Variants in FAT2 observed in about 807,000 individuals in gnomAD.
FAT2 encodes protocadherin Fat 2.
A neutral mutation model predicts 295.3 loss-of-function variants in FAT2; 150 were observed. That is an observed-to-expected ratio of 0.51 (90% CI 0.44 to 0.58). The LOEUF (loss-of-function observed/expected upper bound fraction) is 0.58. Ranked by LOEUF, FAT2 falls within the 20% of genes least tolerant of loss-of-function variation. The probability of loss-of-function intolerance (pLI) is 0.00; values close to 1 mark genes in which losing one functional copy is unlikely to be tolerated. For synonymous variants in FAT2, 2,026 were observed against 2,150.3 expected (o/e 0.94, Z 1.60); for missense variants, 4,868 against 5,442.7 (o/e 0.89, Z 3.32).
Position 151,531,906 on chromosome 5 carries a change from G to A in FAT2, c.9492C>T (p.Ala3164=), listed in dbSNP as rs1279056555. Reference sequence around the variant, plus strand: ...TTTCCAGGCGGATCACCCCCGTGGTGGCGTCGATGGAAAAGTGGCCTTCGG... The same window carrying A: ...TTTCCAGGCGGATCACCCCCGTGGTAGCGTCGATGGAAAAGTGGCCTTCGG... The part of the protein sequence containing the change: ...DSAEGHFSID[A]TTGVIRLEKP... The change falls in exon 14 of 24, where the codon GCC becomes GCT. Residue 3164 remains alanine (A), a synonymous_variant. Transcript: ENST00000261800. The surrounding 1 kb of genome is among the most constrained non-coding windows in gnomAD (Gnocchi z 5.7). 15 of 1,614,130 alleles carry A rather than the reference G, an allele frequency of 9.3e-6. No individual in the cohort carries two copies. Among genetic ancestry groups the A allele is most frequent in the Non-Finnish European group, 1.3e-5 (15 of 1,180,054 alleles).
rs771197569 is a variant in FAT2 at position 151,512,168 on chromosome 5, C to T, written c.11902G>A (p.Ala3968Thr). The T allele has an allele frequency of 1.3e-5, 21 of 1,611,280 alleles. No homozygotes were observed. Among genetic ancestry groups the T allele is most frequent in the Non-Finnish European group, 1.8e-5 (21 of 1,177,750 alleles). The change falls in exon 21 of 24, where the codon GCA (alanine) becomes ACA (threonine). Residue 3968 changes from alanine to threonine, a missense_variant. By Grantham distance (58) the Ala-to-Thr change is moderately conservative (BLOSUM62 0). Coordinates refer to ENST00000261800, the MANE Select transcript of FAT2 (RefSeq NM_001447.3). This position sits in a 1 kb window ranked among gnomAD's most constrained non-coding sequence, Gnocchi z 4.1. ...NGGKCSWTHG[A>T]GYVCKCPPQF... ...AGCCTGGCACCCCAGCCCTCACCTGCCCCATGGGTCCATGAGCACTTCCCA... is the reference window on the plus strand; with the variant it reads ...AGCCTGGCACCCCAGCCCTCACCTGTCCCATGGGTCCATGAGCACTTCCCA...
chr5:151,561,248 C>T (rs1449790709), intron 3 of FAT2, among the ~76,000 whole-genome samples: 1 of 152,250 alleles, frequency 6.6e-6, no homozygotes, highest in Middle Eastern at 3.4e-3. Flanking sequence ...CAAAGTCCTG[C>T]GTGGAGGGGC....
At chr5:151,590,753 G>T (rs889454439) in intron 1 of FAT2, among the ~76,000 whole-genome samples, 1 of 152,066 alleles carries the variant, frequency 6.6e-6, no homozygotes, top group Non-Finnish European at 1.5e-5. Flanking sequence ...TCAATTCCTG[G>T]CCCTGGCACT....
chr5:151,594,348 A>G (rs17112081), upstream of FAT2, among the ~76,000 whole-genome samples: 18,728 of 152,136 alleles, frequency 0.12, 1,160 homozygotes, highest in African/African-American at 0.14. Context: ...GGATGGGTCT[A>G]TATCTAACTC....
chr5:151,573,060 C>G (rs1476480616), intron 1 of FAT2, among the ~76,000 whole-genome samples: 1 of 152,186 alleles, frequency 6.6e-6, no homozygotes, highest in Non-Finnish European at 1.5e-5. Context: ...TGAATGGACC[C>G]TTTTAGGATA....
chr5:151,556,390 G>A lies in FAT2; in HGVS notation c.3587C>T (p.Thr1196Ile), dbSNP rs868321256. 2 of 1,613,592 alleles carry A rather than the reference G, an allele frequency of 1.2e-6. No individual in the cohort carries two copies. The highest frequency in any genetic ancestry group is 4.5e-5 in the East Asian group (2 of 44,886). The change falls in exon 4 of 24, where the codon ACA (threonine) becomes ATA (isoleucine). Residue 1196 changes from threonine (T) to isoleucine (I), a missense_variant. Physicochemically the swap from Thr to Ile is moderately conservative, Grantham distance 89. Coordinates refer to ENST00000261800, the MANE Select transcript of FAT2 (RefSeq NM_001447.3). ...MIHPVTGLLSTAQQLDRENKD... is the reference protein window; with the variant it reads ...MIHPVTGLLSIAQQLDRENKD... ...GTTCTCTCTGTCCAGCTGCTGGGCT[G>A]TAGATAGGAGACCTGAGAGAGAGAT...
At position 151,553,335 on chromosome 5, in the gene FAT2, T is replaced by A. The variant is rs779050071; in HGVS notation, c.3998A>T (p.His1333Leu). The A allele has an allele frequency of 2.5e-6, 4 of 1,614,270 alleles. No individual in the cohort carries two copies. The highest frequency in any genetic ancestry group is 3.4e-6 in the Non-Finnish European group (4 of 1,180,052). Residue 1333 changes from histidine (H) to leucine (L), a missense_variant, in exon 6 of 24, where the codon CAC becomes CTC. By Grantham distance (99) the His-to-Leu change is moderately conservative. Transcript: ENST00000261800. ...CCGGGGCCAAGGGATCCACTCAATGTGTAGCCGGACACTGGCTGAGAGTGG... is the reference window on the plus strand; with the variant it reads ...CCGGGGCCAAGGGATCCACTCAATGAGTAGCCGGACACTGGCTGAGAGTGG... ...QPPLSASVRL[H>L]IEWIPWPRPS...
At chr5:151,537,736 G>A in intron 12 of FAT2, 57 bp downstream of exon 12, 2 of 1,517,342 alleles carry the variant, frequency 1.3e-6, no homozygotes, top group South Asian at 1.2e-5. Flanking sequence ...ATGGCACTGG[G>A]CACTTGGTAT....
rs1412373367 is a variant in FAT2, at chr5:151,522,089, G to A, written c.10507-3C>T. Reference sequence around the variant, plus strand: ...GGAGGGATGCCACTGTCTGACGCCTGTGGGCAAAACAAACACTGCTGTCAC... The same window carrying A: ...GGAGGGATGCCACTGTCTGACGCCTATGGGCAAAACAAACACTGCTGTCAC... On this transcript the variant is annotated splice_polypyrimidine_tract_variant and splice_region_variant and intron_variant, in intron 18 of 23. Coordinates refer to ENST00000261800, the MANE Select transcript of FAT2 (RefSeq NM_001447.3). The A allele has an allele frequency of 1.9e-6, 3 of 1,575,230 alleles. No homozygotes were observed. Among genetic ancestry groups the A allele is most frequent in the East Asian group, 2.3e-5 (1 of 44,078 alleles).
chr5:151,544,728 A>G lies in FAT2; in HGVS notation c.6399T>C (p.Tyr2133=). The change falls in exon 10 of 24, where the codon TAT becomes TAC. Residue 2133 remains tyrosine, a synonymous_variant. Transcript: ENST00000261800. Reference sequence around the variant, plus strand: ...TGAGGTGATATTTATTTAAAGCTTGATAATCAAAGGGTTTCTTGAGTGATA... The same window carrying G: ...TGAGGTGATATTTATTTAAAGCTTGGTAATCAAAGGGTTTCTTGAGTGATA... ...GDISLKKPFD[Y]QALNKYHLKV... 6.2e-7 allele frequency: 1 copy of G among 1,614,186 alleles called. No homozygotes were observed. The highest frequency in any genetic ancestry group is 1.1e-5 in the South Asian group (1 of 91,086).
chr5:151,588,334 C>A (rs890101848), intron 1 of FAT2, among the ~76,000 whole-genome samples: 11 of 152,174 alleles, frequency 7.2e-5, no homozygotes, highest in Non-Finnish European at 1.5e-4. Flanking sequence ...CTGAACTGGG[C>A]TAGGCAAGTG....
rs776136665 is a variant in FAT2, at chr5:151,568,828, T to C, written c.104A>G (p.His35Arg). ...ILSSSAWHFT[H>R]SHYNATIYEN... ...ATAGATGGTGGCATTGTAATGGGAG[T>C]GTGTGAAGTGCCAAGCAGAGGAGGA... Residue 35 changes from histidine to arginine, a missense_variant, in exon 2 of 24, where the codon CAC (histidine) becomes CGC (arginine). This residue lies in a region of FAT2 where 3,297 missense variants were observed against 3,669.4 expected (regional missense o/e 0.90). Transcript: ENST00000261800. The C allele has an allele frequency of 6.2e-7, 1 of 1,613,376 alleles. No individual in the cohort carries two copies. Among genetic ancestry groups the C allele is most frequent in the Non-Finnish European group, 8.5e-7 (1 of 1,179,882 alleles).
intron 12 of FAT2, among the ~76,000 whole-genome samples, chr5:151,536,582 C>G (rs1308279841): frequency 1.3e-5 from 2 of 152,204 alleles, no homozygotes; most frequent in African/African-American, 4.8e-5. Flanking sequence ...CCACCAGACT[C>G]TCACAGCCCA....
intron 5 of FAT2, among the ~76,000 whole-genome samples, 153 bp from the exon 6 acceptor site, chr5:151,553,540 G>A (rs1327740377): frequency 6.6e-6 from 1 of 152,250 alleles, no homozygotes; most frequent in Non-Finnish European, 1.5e-5. Flanking sequence ...AAGGCTTGCT[G>A]TAAACAGGCA....
intron 19 of FAT2, among the ~76,000 whole-genome samples, chr5:151,518,855 C>T (rs1394180814): frequency 6.6e-6 from 1 of 152,154 alleles, no homozygotes; most frequent in African/African-American, 2.4e-5. Flanking sequence ...AAAAAATATC[C>T]ACCCTCCCCA....
rs770577759 is a variant in FAT2 at position 151,521,234 on chromosome 5, C to G, written c.11317+42G>C. The G allele has an allele frequency of 5.2e-6, 8 of 1,548,686 alleles. No individual in the cohort carries two copies. In the East Asian group the frequency reaches 1.8e-4, roughly 35 times the overall value. ...CATGCTTAGAGTCAGGCGGGCTGAG[C>G]CCAGCAGTGCTGCTCGTCCCTAGGG... On this transcript the variant is annotated intron_variant, in intron 19 of 23. Coordinates refer to ENST00000261800, the MANE Select transcript of FAT2 (RefSeq NM_001447.3).
At chr5:151,584,245 C>T (rs1759080042) in intron 1 of FAT2, among the ~76,000 whole-genome samples, 1 of 151,996 alleles carries the variant, frequency 6.6e-6, no homozygotes, top group Non-Finnish European at 1.5e-5. Context: ...AAAACCGACA[C>T]CTCAATGATT....
chr5:151,512,432 C>T lies in FAT2; in HGVS notation c.11638G>A (p.Glu3880Lys), dbSNP rs1256048934. 1.2e-6 allele frequency: 2 copies of T among 1,614,264 alleles called. No individual in the cohort carries two copies. The highest frequency in any genetic ancestry group is 1.7e-6 in the Non-Finnish European group (2 of 1,180,052). ...SMGNTSLVVP[E>K]NCRGLRPERH... ...TCGGGCCTCAGACCACGGCAGTTCT[C>T]TGGGACCACAAGGGAGGTGTTGCCC... The change falls in exon 21 of 24, where the codon GAG (glutamate) becomes AAG (lysine). Residue 3880 changes from glutamate (E) to lysine (K), a missense_variant. Physicochemically the swap from Glu to Lys is moderately conservative, Grantham distance 56. Coordinates refer to ENST00000261800, the MANE Select transcript of FAT2 (RefSeq NM_001447.3). The surrounding 1 kb of genome is among the most constrained non-coding windows in gnomAD (Gnocchi z 4.1).
chr5:151,549,781 T>C (rs1465607339), intron 8 of FAT2, among the ~76,000 whole-genome samples: 3 of 152,116 alleles, frequency 2.0e-5, no homozygotes, highest in Non-Finnish European at 4.4e-5. Context: ...CCAAATTACA[T>C]CTCAGAGAAT....
Sources: gnomAD v4.1 joint callset for allele counts (sites outside exome capture counted in the v4.1 genomes callset) on GRCh38, gnomAD v4.1.1 for gene constraint, gnomAD v4.1.1 regional missense constraint, Gnocchi (gnomAD v3.1) non-coding constraint, MANE v1.5 for transcripts, NCBI Gene and HGNC (gene_info 2026-07-23, HGNC 2026-07-21) for gene names.